Variants in OPCML observed in about 807,000 individuals in gnomAD.
OPCML encodes opioid binding protein/cell adhesion molecule like.
In OPCML, 13 loss-of-function variants were observed where a neutral mutation model predicts 37.8. The observed-to-expected ratio is 0.34, with a 90% CI of 0.22 to 0.55. The LOEUF is 0.55. Among genes scored for constraint, OPCML ranks in the 20% least tolerant of loss-of-function variants. The pLI is 0.91. For synonymous variants in OPCML, 176 were observed against 168.8 expected, an observed-to-expected ratio of 1.04 and a Z score of -0.33; for missense variants, 341 against 435.6, an observed-to-expected ratio of 0.78 and a Z score of 1.93.
chr11:133,439,709 C>T (rs1025174945), intron 1 of OPCML, among the ~76,000 whole-genome samples: 7 of 151,972 alleles, frequency 4.6e-5, no homozygotes, highest in East Asian at 2.0e-4. Flanking sequence ...CTTCGTGATC[C>T]ACCCGCCTTG....
chr11:132,914,244 A>T (rs1432187184), intron 2 of OPCML, among the ~76,000 whole-genome samples: 2 of 152,164 alleles, frequency 1.3e-5, no homozygotes, highest in African/African-American at 2.4e-5. Context: ...CAGATCCACG[A>T]CTGAGACTCT....
intron 2 of OPCML, among the ~76,000 whole-genome samples, chr11:132,694,179 C>CCTT: frequency 2.3e-5 from 1 of 42,978 alleles, no homozygotes; most frequent in Non-Finnish European, 4.1e-5. Flanking sequence ...AAATCAATGT[C>CCTT]TTTTTTTTTT....
chr11:132,651,245 G>T (rs572756976), intron 3 of OPCML, among the ~76,000 whole-genome samples: 1 of 152,098 alleles, frequency 6.6e-6, no homozygotes, highest in African/African-American at 2.4e-5. Context: ...AAATATACCC[G>T]GTCTTGGGTG....
chr11:133,056,861 G>C (rs1008044598), intron 1 of OPCML, among the ~76,000 whole-genome samples: 3 of 152,132 alleles, frequency 2.0e-5, no homozygotes, highest in Admixed American at 2.0e-4. Flanking sequence ...TATTTATTTT[G>C]AGACGGAATT....
chr11:133,132,891 CA>C (rs1949628292), intron 1 of OPCML, among the ~76,000 whole-genome samples: 1 of 150,466 alleles, frequency 6.6e-6, no homozygotes, highest in Non-Finnish European at 1.5e-5. Context: ...ACAAAGTCCA[CA>C]AAGATACTCA....
chr11:132,462,196 G>A (rs1370047226), intron 4 of OPCML, among the ~76,000 whole-genome samples: 1 of 152,102 alleles, frequency 6.6e-6, no homozygotes, highest in Non-Finnish European at 1.5e-5. Context: ...CTTGCTGGTG[G>A]GAAGAATCCC....
intron 1 of OPCML, among the ~76,000 whole-genome samples, chr11:133,276,441 G>A (rs1244516990): frequency 6.6e-6 from 1 of 152,102 alleles, no homozygotes; most frequent in Non-Finnish European, 1.5e-5. Flanking sequence ...TAGAGGGTGA[G>A]GTTTGCAACA....
chr11:132,947,708 A>G (rs1032754465), intron 1 of OPCML, among the ~76,000 whole-genome samples: 12 of 152,234 alleles, frequency 7.9e-5, no homozygotes, highest in South Asian at 4.1e-4. Flanking sequence ...GAACTTTTCT[A>G]GGAAATGCTT....
intron 1 of OPCML, among the ~76,000 whole-genome samples, chr11:133,016,404 A>G (rs1282596567): frequency 6.6e-6 from 1 of 152,166 alleles, no homozygotes; most frequent in East Asian, 1.9e-4. Context: ...ACATTCCTTG[A>G]TATGGGCTCC....
chr11:132,553,895 G>A (rs937006310), intron 3 of OPCML, among the ~76,000 whole-genome samples: 1 of 152,166 alleles, frequency 6.6e-6, no homozygotes, highest in African/African-American at 2.4e-5. Context: ...AATGCAAAAT[G>A]AGAAGAGAAA....
At chr11:133,288,581 T>C (rs149626104) in intron 1 of OPCML, among the ~76,000 whole-genome samples, 9 of 152,188 alleles carry the variant, frequency 5.9e-5, no homozygotes, top group South Asian at 2.1e-4. Flanking sequence ...TTTGCATCTG[T>C]GGTTCTCAAA....
At chr11:132,924,871 C>T (rs11223281) in intron 2 of OPCML, among the ~76,000 whole-genome samples, 30,928 of 139,110 alleles carry the variant, frequency 0.22, 3,908 homozygotes, top group Non-Finnish European at 0.3. Flanking sequence ...GTTTCTTTCT[C>T]TCTTGCTTTT....
chr11:133,179,163 T>C (rs1182417776), intron 1 of OPCML, among the ~76,000 whole-genome samples: 2 of 152,124 alleles, frequency 1.3e-5, no homozygotes, highest in Non-Finnish European at 2.9e-5. Flanking sequence ...CTTGGTAAAG[T>C]ACTTTGGAAA....
intron 1 of OPCML, among the ~76,000 whole-genome samples, chr11:133,133,211 T>A (rs1323953604): frequency 6.6e-6 from 1 of 152,126 alleles, no homozygotes; most frequent in African/African-American, 2.4e-5. Context: ...TCTGACATCA[T>A]CCTTAGGTGG....
intron 1 of OPCML, among the ~76,000 whole-genome samples, chr11:133,183,140 C>G (rs918992601): frequency 6.6e-6 from 1 of 152,144 alleles, no homozygotes; most frequent in Non-Finnish European, 1.5e-5. Context: ...GAAAAGGAAA[C>G]TTTATGAGTC....
intron 1 of OPCML, among the ~76,000 whole-genome samples, chr11:133,143,956 G>C (rs1180703606): frequency 1.3e-5 from 2 of 152,036 alleles, no homozygotes; most frequent in Non-Finnish European, 2.9e-5. Context: ...TGTGGAGATG[G>C]AGGAGGGCTC....
intron 1 of OPCML, among the ~76,000 whole-genome samples, chr11:133,274,326 G>A (rs1438399839): frequency 7.0e-6 from 1 of 143,044 alleles, no homozygotes; most frequent in Non-Finnish European, 1.5e-5. Context: ...CTGGAATAGG[G>A]TGGGCCATTA....
intron 2 of OPCML, among the ~76,000 whole-genome samples, chr11:132,676,239 A>G (rs1276188246): frequency 6.6e-6 from 1 of 152,176 alleles, no homozygotes; most frequent in African/African-American, 2.4e-5. Flanking sequence ...GGATGTCCAC[A>G]CACAATTGAA....
At chr11:132,901,531 A>G (rs1565949303) in intron 2 of OPCML, among the ~76,000 whole-genome samples, 3 of 152,182 alleles carry the variant, frequency 2.0e-5, no homozygotes, top group South Asian at 4.1e-4. Context: ...CAAAATATAC[A>G]CAGACGATGA....
Sources: gnomAD v4.1 joint callset for allele counts (sites outside exome capture counted in the v4.1 genomes callset) on GRCh38, gnomAD v4.1.1 for gene constraint, MANE v1.5 for transcripts, NCBI Gene and HGNC (gene_info 2026-07-23, HGNC 2026-07-21) for gene names.